The following DNAJC2 variants were observed in gnomAD, a reference collection of about 807,000 sequenced individuals.
DNAJC2 encodes the protein DnaJ heat shock protein family (Hsp40) member C2, also known as dnaJ homolog subfamily C member 2.
Under a neutral mutation model 94.0 loss-of-function variants are expected in DNAJC2, and 32 were observed. The observed-to-expected ratio is 0.34, with a 90% CI of 0.26 to 0.46. The LOEUF is 0.46. Ranked by LOEUF, DNAJC2 falls within the 20% of genes least tolerant of loss-of-function variation. DNAJC2 has a pLI of 1.00. For missense variants in DNAJC2, 550 were observed against 719.5 expected (o/e 0.76, Z 2.69); for synonymous variants, 210 against 229.7 (o/e 0.91, Z 0.77).
Position 103,326,770 on chromosome 7 carries a change from T to C in DNAJC2, c.431-86A>G, listed in dbSNP as rs2285983. 61 of 1,306,978 alleles carry C rather than the reference T, an allele frequency of 4.7e-5. No individual in the cohort carries two copies. The East Asian group carries it at 6.5e-4, about 14-fold the overall frequency. 81.0% of individuals were successfully genotyped at this position (1,306,978 alleles called of 1,614,324 possible). On this transcript the variant is annotated intron_variant, in intron 4 of 16. Transcript: ENST00000379263. ...AACAAGTATTTCCCTCCTTAAAACA[T>C]AGAAGTCATTAATTTTCATATTTGA...
At chr7:103,321,891 C>G in intron 10 of DNAJC2, 41 bp downstream of exon 10, 1 of 1,558,780 alleles carries the variant, frequency 6.4e-7, no homozygotes, top group Admixed American at 1.9e-5. Context: ...TAATAAGCAA[C>G]TTGATTTACT....
intron 15 of DNAJC2, chr7:103,314,668 C>T (rs965390598): frequency 6.0e-5 from 59 of 984,638 alleles, no homozygotes; most frequent in Admixed American, 1.2e-4. Flanking sequence ...TTAAAAGAAC[C>T]GAAATAATGC....
intron 5 of DNAJC2, 59 bp from the exon 6 acceptor site, chr7:103,324,621 CA>C (rs1818603489): frequency 4.7e-6 from 6 of 1,281,558 alleles, no homozygotes; most frequent in Non-Finnish European, 6.2e-6. Flanking sequence ...AACAGTTCAA[CA>C]AACAATTTAA....
At chr7:103,313,590 A>G in intron 15 of DNAJC2, 1 of 982,474 alleles carries the variant, frequency 1.0e-6, no homozygotes, top group Non-Finnish European at 1.2e-6. Context: ...TAGCAAAATT[A>G]AGCCAAGTGC....
At chr7:103,319,585 A>AG in intron 12 of DNAJC2, 24 bp downstream of exon 12, 1 of 1,609,388 alleles carries the variant, frequency 6.2e-7, no homozygotes, top group South Asian at 1.1e-5. Context: ...ACATATAGGT[A>AG]GGAGTGATGT....
At chr7:103,324,697 G>T (rs765524515) in intron 5 of DNAJC2, 135 bp from the exon 6 acceptor site, 61 of 898,772 alleles carry the variant, frequency 6.8e-5, no homozygotes, top group Non-Finnish European at 9.3e-5. Context: ...TCTACAACTC[G>T]AAGATGGAGC....
chr7:103,324,585 C>A (rs1818600023), intron 5 of DNAJC2, 23 bp from the exon 6 acceptor site: 2 of 1,423,556 alleles, frequency 1.4e-6, no homozygotes, highest in Non-Finnish European at 1.9e-6. Flanking sequence ...AGGAAATATT[C>A]TTACAATTCT....
At chr7:103,313,779 CA>C (rs1029246744) in intron 15 of DNAJC2, 1 of 985,198 alleles carries the variant, frequency 1.0e-6, no homozygotes, top group African/African-American at 1.7e-5. Flanking sequence ...GTGTCAGAAA[CA>C]AATATGTTTC....
intron 10 of DNAJC2, chr7:103,320,762 CATATAT>C (rs71519145): frequency 2.0e-3 from 277 of 135,838 alleles, no homozygotes; most frequent in South Asian, 5.4e-3. Flanking sequence ...TATATATACA[CATATAT>C]ATATATATAT....
chr7:103,330,750 CTT>C (rs112547436), intron 3 of DNAJC2, among the ~76,000 whole-genome samples: 3 of 143,820 alleles, frequency 2.1e-5, no homozygotes, highest in Non-Finnish European at 1.5e-5. Context: ...ACACCCAGCT[CTT>C]TTTTTTTTTT....
chr7:103,333,403 T>A (rs1819047825), intron 3 of DNAJC2, among the ~76,000 whole-genome samples: 2 of 152,226 alleles, frequency 1.3e-5, no homozygotes, highest in African/African-American at 4.8e-5. Flanking sequence ...AAAAAAAGTC[T>A]ATTAGCATAA....
intron 3 of DNAJC2, chr7:103,328,971 C>A: frequency 7.9e-7 from 1 of 1,270,976 alleles, no homozygotes; most frequent in Non-Finnish European, 1.0e-6. Flanking sequence ...GGAAATGGAA[C>A]AAGTTATTTT....
chr7:103,335,025 G>C (rs1819115254), intron 3 of DNAJC2, among the ~76,000 whole-genome samples: 1 of 152,016 alleles, frequency 6.6e-6, no homozygotes, highest in Non-Finnish European at 1.5e-5. Flanking sequence ...GTAGAGACGG[G>C]GTTTCGCCAT....
chr7:103,332,540 T>G (rs953368501), intron 3 of DNAJC2, among the ~76,000 whole-genome samples: 2 of 152,188 alleles, frequency 1.3e-5, no homozygotes, highest in African/African-American at 2.4e-5. Flanking sequence ...TCTTTAACAC[T>G]TGAAACAATT....
intron 13 of DNAJC2, 116 bp downstream of exon 13, chr7:103,316,714 G>T: frequency 2.3e-6 from 2 of 872,052 alleles, no homozygotes; most frequent in Non-Finnish European, 1.8e-6. Context: ...TTTCTGCTGT[G>T]GCACAGAATT....
intron 2 of DNAJC2, among the ~76,000 whole-genome samples, chr7:103,339,854 T>C (rs1030334045): frequency 6.6e-6 from 1 of 152,122 alleles, no homozygotes; most frequent in Admixed American, 6.6e-5. Context: ...GCCCCTTTTT[T>C]TGAGATAGAG....
At chr7:103,344,369 A>C in intron 1 of DNAJC2, 190 bp downstream of exon 1, 1 of 617,306 alleles carries the variant, frequency 1.6e-6, no homozygotes, top group Non-Finnish European at 2.8e-6. Context: ...GGCACCCCTC[A>C]CCCTCCTTCC....
Position 103,341,799 on chromosome 7 carries a change from G to A in DNAJC2, c.220C>T (p.Pro74Ser). ...TTGGGATCAAGTGTTTTCAGCATGG[G>A]AAACTCTTCCAACTGCAATTCTTCA... is the stretch of plus-strand genomic sequence containing the variant. ...EDEELQLEEF[P>S]MLKTLDPKDW... The change falls in exon 2 of 17, where the codon CCC becomes TCC. Residue 74 changes from proline (P) to serine (S), a missense_variant. Physicochemically the swap from Pro to Ser is moderately conservative, Grantham distance 74. Around this residue, in one of 2 missense-constraint regions of DNAJC2, gnomAD observed 279 missense variants for 416.9 expected, o/e 0.67. Coordinates refer to ENST00000379263, the MANE Select transcript of DNAJC2 (RefSeq NM_014377.3). The A allele has an allele frequency of 1.3e-6, 2 of 1,598,574 alleles. No homozygotes were observed. Among genetic ancestry groups the A allele is most frequent in the Non-Finnish European group, 1.7e-6 (2 of 1,173,584 alleles).
intron 1 of DNAJC2, among the ~76,000 whole-genome samples, chr7:103,342,911 A>G (rs772699684): frequency 6.6e-6 from 1 of 150,768 alleles, no homozygotes; most frequent in African/African-American, 2.4e-5. Context: ...CCCGGCCTAG[A>G]CAAATAATTT....
Sources: allele counts gnomAD v4.1 joint callset (sites outside exome capture counted in the v4.1 genomes callset), GRCh38; gene constraint gnomAD v4.1.1; regional missense constraint gnomAD v4.1.1; transcripts MANE v1.5; gene names NCBI Gene and HGNC (gene_info 2026-07-23, HGNC 2026-07-21).